Variants in MECOM observed in about 807,000 individuals in gnomAD.
MECOM encodes histone-lysine N-methyltransferase MECOM.
MECOM carries 13 observed loss-of-function variants against 116.3 expected under a neutral mutation model. That is an observed-to-expected ratio of 0.11 (90% CI 0.07 to 0.18). The LOEUF is 0.18. Ranked by LOEUF, MECOM falls within the 10% of genes least tolerant of loss-of-function variation. The pLI is 1.00. For missense variants in MECOM, 1,299 were observed against 1,509.0 expected, an observed-to-expected ratio of 0.86 and a Z score of 2.31; for synonymous variants, 528 against 535.2, an observed-to-expected ratio of 0.99 and a Z score of 0.19.
Position 169,564,980 on chromosome 3 carries a change from C to T in MECOM, c.37+98356G>A, listed in dbSNP as rs1432931105. 2.6e-5 allele frequency among the ~76,000 whole-genome samples: 4 copies of T among 152,314 alleles called. No homozygotes were observed. In the East Asian group the frequency reaches 7.7e-4, roughly 29 times the overall value. On this transcript the variant is annotated intron_variant, in intron 1 of 16. Transcript: ENST00000651503. ...GGATGGTACAGGAGAACAGGTGCAG[C>T]AAAGGCACCATGTATTGAGCATCTT...
At chr3:169,201,160 T>G (rs764715225) in intron 2 of MECOM, among the ~76,000 whole-genome samples, 3 of 152,130 alleles carry the variant, frequency 2.0e-5, no homozygotes, top group Non-Finnish European at 2.9e-5. Context: ...CATGTTTACT[T>G]AATGCACTTT....
chr3:169,116,100 C>T lies in MECOM; in HGVS notation c.1772G>A (p.Ser591Asn). 6.2e-7 allele frequency: 1 copy of T among 1,614,206 alleles called. No homozygotes were observed. The highest frequency in any genetic ancestry group is 1.3e-5 in the African/African-American group (1 of 75,054). The stretch of plus-strand genomic sequence containing the variant: ...AGAGCCCGAGGTTGTTTCCAGGTCA[C>T]TGCCACTTGGTGTACTGACATCATC... ...DLDDVSTPSG[S>N]DLETTSGSDL... Residue 591 changes from serine (S) to asparagine (N), a missense_variant, in exon 8 of 17, where the codon AGT becomes AAT. Around this residue, in one of 6 missense-constraint regions of MECOM, gnomAD observed 238 missense variants for 273.1 expected, o/e 0.87. Coordinates refer to ENST00000651503, the MANE Select transcript of MECOM (RefSeq NM_004991.4).
At chr3:169,464,285 A>G (rs1297379820) in intron 1 of MECOM, among the ~76,000 whole-genome samples, 1 of 152,176 alleles carries the variant, frequency 6.6e-6, no homozygotes, top group African/African-American at 2.4e-5. Flanking sequence ...TTGTCTGTTA[A>G]ATTTTGGAAT....
At chr3:169,355,034 A>T (rs1344636208) in intron 2 of MECOM, among the ~76,000 whole-genome samples, 2 of 151,956 alleles carry the variant, frequency 1.3e-5, no homozygotes, top group East Asian at 1.9e-4. Context: ...TTCCATGCTG[A>T]CTGAATTAAA....
chr3:169,332,194 A>G (rs1001870909), intron 2 of MECOM, among the ~76,000 whole-genome samples: 4 of 152,144 alleles, frequency 2.6e-5, no homozygotes, highest in Non-Finnish European at 5.9e-5. Flanking sequence ...GGACATAGGT[A>G]GGACCTTGTC....
chr3:169,528,802 A>C (rs745516485), intron 1 of MECOM, among the ~76,000 whole-genome samples: 10 of 152,232 alleles, frequency 6.6e-5, no homozygotes, highest in Non-Finnish European at 1.5e-4. Flanking sequence ...AATAGAAACA[A>C]CCACCCTGGA....
chr3:169,207,933 C>G (rs1181961466), intron 2 of MECOM, among the ~76,000 whole-genome samples: 2 of 152,128 alleles, frequency 1.3e-5, no homozygotes, highest in Non-Finnish European at 2.9e-5. Context: ...AAATAACATA[C>G]AGAATTTCAA....
chr3:169,327,665 A>C (rs891123365), intron 2 of MECOM, among the ~76,000 whole-genome samples: 5 of 151,970 alleles, frequency 3.3e-5, no homozygotes, highest in Non-Finnish European at 5.9e-5. Context: ...AAAGAAAAAA[A>C]AGCATAAAAA....
chr3:169,337,414 G>T (rs750428752), intron 2 of MECOM, among the ~76,000 whole-genome samples: 2 of 152,040 alleles, frequency 1.3e-5, no homozygotes, highest in Non-Finnish European at 2.9e-5. Context: ...ATTGATTCCC[G>T]ACACGCATCC....
At chr3:169,653,036 G>T (rs185621909) in intron 1 of MECOM, among the ~76,000 whole-genome samples, 40 of 152,260 alleles carry the variant, frequency 2.6e-4, no homozygotes, top group African/African-American at 9.4e-4. Flanking sequence ...GGGGTCATGG[G>T]CAATACCTGC....
chr3:169,556,669 G>T (rs928148559), intron 1 of MECOM, among the ~76,000 whole-genome samples: 3 of 152,128 alleles, frequency 2.0e-5, no homozygotes, highest in African/African-American at 7.2e-5. Flanking sequence ...GTCATAAAAA[G>T]CAGCATGTGT....
intron 2 of MECOM, among the ~76,000 whole-genome samples, chr3:169,359,761 C>G (rs150225830): frequency 2.6e-5 from 4 of 151,546 alleles, no homozygotes; most frequent in Non-Finnish European, 5.9e-5. Context: ...ATGCCTTTTC[C>G]AAGATTAAAA....
At chr3:169,263,110 TATATATATATATATATA>T (rs1757780437) in intron 2 of MECOM, among the ~76,000 whole-genome samples, 17 of 99,688 alleles carry the variant, frequency 1.7e-4, no homozygotes, top group Admixed American at 4.0e-4. Context: ...TATATATATA[TATATATATATATATATA>T]TGTTTTTTTT....
intron 1 of MECOM, among the ~76,000 whole-genome samples, chr3:169,443,368 G>A (rs1193227971): frequency 2.6e-5 from 4 of 152,110 alleles, no homozygotes; most frequent in Non-Finnish European, 5.9e-5. Context: ...CTCTGTGGGG[G>A]GAAGGGAAGG....
chr3:169,236,572 T>G (rs1009401975), intron 2 of MECOM, among the ~76,000 whole-genome samples: 7 of 152,180 alleles, frequency 4.6e-5, no homozygotes, highest in Non-Finnish European at 1.0e-4. Context: ...ATTGTGTATA[T>G]TTCATGCATC....
intron 1 of MECOM, among the ~76,000 whole-genome samples, chr3:169,624,422 C>A (rs552979452): frequency 6.6e-6 from 1 of 152,116 alleles, no homozygotes; most frequent in Non-Finnish European, 1.5e-5. Context: ...CTAGAATATA[C>A]CCAGCACTCC....
intron 2 of MECOM, chr3:169,146,600 AG>A: frequency 7.3e-7 from 1 of 1,371,796 alleles, no homozygotes; most frequent in Non-Finnish European, 9.7e-7. Context: ...GCGGGCGAGG[AG>A]GAAAGAAGGC....
chr3:169,483,755 G>A (rs1230612586), intron 1 of MECOM: 7 of 1,607,828 alleles, frequency 4.4e-6, no homozygotes, highest in East Asian at 2.2e-5. Context: ...TAGCAACTAC[G>A]CGCAACCAGT....
intron 2 of MECOM, chr3:169,146,218 ATCCCC>A: frequency 8.9e-7 from 1 of 1,126,434 alleles, no homozygotes; most frequent in Non-Finnish European, 1.1e-6. Context: ...AAAAAAAAAA[ATCCCC>A]ACAATCTAGC....
Sources: allele counts gnomAD v4.1 joint callset (sites outside exome capture counted in the v4.1 genomes callset), GRCh38; gene constraint gnomAD v4.1.1; regional missense constraint gnomAD v4.1.1; transcripts MANE v1.5; gene names NCBI Gene and HGNC (gene_info 2026-07-23, HGNC 2026-07-21).